Variants in CADM2 observed in about 807,000 individuals in gnomAD.
CADM2 encodes the protein cell adhesion molecule 2.
In CADM2, 12 loss-of-function variants were observed where a neutral mutation model predicts 49.8. The ratio of observed to expected loss-of-function variants is 0.24; its 90% CI spans 0.15 to 0.39. The LOEUF (loss-of-function observed/expected upper bound fraction) is 0.39, where lower values mean the gene tolerates loss of function less well. CADM2 is among the 10% of genes least tolerant of loss of function. CADM2 has a pLI of 1.00. For synonymous variants in CADM2, 214 were observed against 175.4 expected, an observed-to-expected ratio of 1.22 and a Z score of -1.74; for missense variants, 378 against 492.3, an observed-to-expected ratio of 0.77 and a Z score of 2.20.
chr3:85,522,204 C>T (rs1468293650), intron 1 of CADM2, among the ~76,000 whole-genome samples: 1 of 152,028 alleles, frequency 6.6e-6, no homozygotes, highest in Admixed American at 6.6e-5. Flanking sequence ...CTTCCCTGTT[C>T]GCCTTCCCTT....
intron 1 of CADM2, among the ~76,000 whole-genome samples, chr3:85,107,483 A>G (rs769950931): frequency 6.6e-6 from 1 of 152,078 alleles, no homozygotes; most frequent in African/African-American, 2.4e-5. Context: ...CGAAGGCAAA[A>G]AATTAGGTCC....
At chr3:85,697,105 T>TATGCC (rs2066589638) in intron 1 of CADM2, among the ~76,000 whole-genome samples, 1 of 135,076 alleles carries the variant, frequency 7.4e-6, no homozygotes, top group African/African-American at 2.5e-5. Flanking sequence ...ATGCCATATA[T>TATGCC]ATATATGGCA....
intron 1 of CADM2, among the ~76,000 whole-genome samples, chr3:85,652,415 G>T (rs1300305366): frequency 6.6e-6 from 1 of 152,038 alleles, no homozygotes; most frequent in Non-Finnish European, 1.5e-5. Context: ...ACCTTAGCTG[G>T]GTCCTATAAT....
Position 85,271,386 on chromosome 3 carries a change from G to T in CADM2, c.61+311718G>T, listed in dbSNP as rs374153601. Among the ~76,000 whole-genome samples, 12 of 151,362 alleles carry T rather than the reference G, an allele frequency of 7.9e-5. 1 individual carries two copies. The East Asian group carries it at 1.9e-3, about 24-fold the overall frequency. Reference sequence around the variant, plus strand: ...ATGCCTTAATATCTTTTAGAACACAGAAATCTGATTCAATAATTTGTTAGA... The same window carrying T: ...ATGCCTTAATATCTTTTAGAACACATAAATCTGATTCAATAATTTGTTAGA... On this transcript the variant is annotated intron_variant, in intron 1 of 9. Transcript: ENST00000383699.
chr3:85,010,310 A>G (rs1348792098), intron 1 of CADM2, among the ~76,000 whole-genome samples: 2 of 152,224 alleles, frequency 1.3e-5, no homozygotes, highest in African/African-American at 2.4e-5. Context: ...CAATCTCACA[A>G]GACAAGAAAA....
Position 86,072,039 on chromosome 3 carries a change from CAT to C in CADM2, c.*5260_*5261del, listed in dbSNP as rs1245024539. On this transcript the variant is annotated 3_prime_UTR_variant, in exon 10 of 10. Coordinates refer to ENST00000383699, the MANE Select transcript of CADM2 (RefSeq NM_001167675.2). The stretch of plus-strand genomic sequence containing the variant: ...ATCATCCTTATTAATAAATAATCCT[CAT>C]ATAATGCACAGTATTGCCACAAATG... The C allele has an allele frequency of 2.1e-4, 32 of 151,870 alleles. 1 individual carries two copies. Among genetic ancestry groups the C allele is most frequent in the African/African-American group, 7.5e-4 (31 of 41,506 alleles). 9.4% of individuals were successfully genotyped at this position (151,870 alleles called of 1,614,324 possible).
chr3:85,479,706 A>G (rs1467292697), intron 1 of CADM2, among the ~76,000 whole-genome samples: 3 of 151,970 alleles, frequency 2.0e-5, no homozygotes, highest in African/African-American at 7.2e-5. Context: ...TGTCAGAGCT[A>G]TCTTTATAAC....
At chr3:85,532,676 T>C (rs955130250) in intron 1 of CADM2, among the ~76,000 whole-genome samples, 2 of 152,196 alleles carry the variant, frequency 1.3e-5, no homozygotes, top group African/African-American at 4.8e-5. Context: ...CCCAAAGGAC[T>C]ATAAATCGTT....
intron 2 of CADM2, among the ~76,000 whole-genome samples, chr3:85,745,455 A>AAAT (rs1182062002): frequency 3.9e-5 from 6 of 152,138 alleles, no homozygotes; most frequent in Non-Finnish European, 8.8e-5. Context: ...CTGACACAAC[A>AAAT]AATAAATGGA....
intron 1 of CADM2, among the ~76,000 whole-genome samples, chr3:84,994,543 T>G (rs1349024106): frequency 6.6e-6 from 1 of 152,212 alleles, no homozygotes; most frequent in Non-Finnish European, 1.5e-5. Flanking sequence ...GACACAAAAT[T>G]TAGAGTGTTT....
intron 1 of CADM2, among the ~76,000 whole-genome samples, chr3:85,228,904 T>C: frequency 6.6e-6 from 1 of 152,168 alleles, no homozygotes; most frequent in Non-Finnish European, 1.5e-5. Flanking sequence ...CATTTAAGTC[T>C]GCCGAAGCTT....
intron 1 of CADM2, among the ~76,000 whole-genome samples, chr3:85,601,861 G>A (rs2063416586): frequency 6.6e-6 from 1 of 151,236 alleles, no homozygotes; most frequent in African/African-American, 2.4e-5. Context: ...GTTTCTTTTA[G>A]TCATTATCCT....
chr3:86,027,018 TACTC>T (rs1377600072), intron 8 of CADM2, among the ~76,000 whole-genome samples: 1 of 152,108 alleles, frequency 6.6e-6, no homozygotes, highest in Non-Finnish European at 1.5e-5. Context: ...AGATTTATAA[TACTC>T]AAGAAAAAAA....
chr3:85,518,987 T>A (rs910927761), intron 1 of CADM2, among the ~76,000 whole-genome samples: 2 of 152,122 alleles, frequency 1.3e-5, no homozygotes, highest in African/African-American at 4.8e-5. Context: ...AAAAAGAAAG[T>A]TATACTATAT....
chr3:85,930,572 C>T (rs1370013386), intron 6 of CADM2, among the ~76,000 whole-genome samples: 1 of 151,970 alleles, frequency 6.6e-6, no homozygotes, highest in Non-Finnish European at 1.5e-5. Flanking sequence ...TTTTCTCGTA[C>T]TCCTTAACCA....
chr3:85,397,016 A>G (rs1006562404), intron 1 of CADM2, among the ~76,000 whole-genome samples: 3 of 152,104 alleles, frequency 2.0e-5, no homozygotes, highest in African/African-American at 7.2e-5. Flanking sequence ...ATATCTGACA[A>G]GAGATTAATA....
chr3:85,346,650 A>T (rs1390790258), intron 1 of CADM2, among the ~76,000 whole-genome samples: 2 of 152,206 alleles, frequency 1.3e-5, no homozygotes, highest in Non-Finnish European at 2.9e-5. Flanking sequence ...GAAAAGAGTT[A>T]ATATTGGGAA....
chr3:85,762,236 T>TAGTGACACAA (rs2069425940), intron 2 of CADM2, among the ~76,000 whole-genome samples: 1 of 152,146 alleles, frequency 6.6e-6, no homozygotes, highest in Non-Finnish European at 1.5e-5. Context: ...AATCTGTTAA[T>TAGTGACACAA]AGTGACACAA....
At chr3:85,521,682 A>G (rs928347592) in intron 1 of CADM2, among the ~76,000 whole-genome samples, 9 of 152,188 alleles carry the variant, frequency 5.9e-5, no homozygotes, top group African/African-American at 2.2e-4. Flanking sequence ...CTTCTGCAGA[A>G]AATTTAAAAC....
Sources: gnomAD v4.1 joint callset for allele counts (sites outside exome capture counted in the v4.1 genomes callset) on GRCh38, gnomAD v4.1.1 for gene constraint, MANE v1.5 for transcripts, NCBI Gene and HGNC (gene_info 2026-07-23, HGNC 2026-07-21) for gene names.